PLCB1: variants seen among roughly 807,000 people sequenced by gnomAD.
PLCB1 encodes the protein 1-phosphatidylinositol 4,5-bisphosphate phosphodiesterase beta-1.
PLCB1 carries 46 observed loss-of-function variants against 161.8 expected under a neutral mutation model. That is an observed-to-expected ratio of 0.28 (90% CI 0.22 to 0.36). The LOEUF is 0.36. Among genes scored for constraint, PLCB1 ranks in the 10% least tolerant of loss-of-function variants. PLCB1 has a pLI of 1.00. For synonymous variants in PLCB1, 517 were observed against 503.7 expected (o/e 1.03, Z -0.35); for missense variants, 1,016 against 1,472.5 (o/e 0.69, Z 5.07).
intron 2 of PLCB1, among the ~76,000 whole-genome samples, chr20:8,228,101 G>A (rs978595712): frequency 6.6e-5 from 10 of 152,046 alleles, no homozygotes; most frequent in African/African-American, 1.9e-4. Flanking sequence ...GGAGGTTGTA[G>A]TGAGCTGAGA....
intron 3 of PLCB1, among the ~76,000 whole-genome samples, chr20:8,386,214 T>C (rs1987421635): frequency 6.6e-6 from 1 of 152,210 alleles, no homozygotes; most frequent in Non-Finnish European, 1.5e-5. Context: ...GTTTTAAATT[T>C]ACTTAGCCCA....
At chr20:8,549,069 A>G (rs948922048) in intron 3 of PLCB1, among the ~76,000 whole-genome samples, 2 of 152,200 alleles carry the variant, frequency 1.3e-5, no homozygotes, top group African/African-American at 2.4e-5. Context: ...AACCTAGATG[A>G]TGGGTTGATA....
At chr20:8,625,023 T>G (rs997807408) in intron 3 of PLCB1, among the ~76,000 whole-genome samples, 5 of 152,156 alleles carry the variant, frequency 3.3e-5, no homozygotes, top group African/African-American at 1.2e-4. Flanking sequence ...AGCTCCTTGG[T>G]AGAATAGGTT....
chr20:8,371,722 T>A (rs1231683121), intron 3 of PLCB1: 4 of 342,896 alleles, frequency 1.2e-5, no homozygotes, highest in Admixed American at 4.5e-5. Flanking sequence ...AGTTACTGGG[T>A]AATTCTAAAT....
intron 9 of PLCB1, among the ~76,000 whole-genome samples, chr20:8,682,525 A>G (rs976468359): frequency 1.3e-5 from 2 of 152,166 alleles, no homozygotes; most frequent in African/African-American, 4.8e-5. Context: ...AGTAAAAGCA[A>G]TTTAGCTATT....
chr20:8,868,201 C>G (rs1987492190), intron 31 of PLCB1, among the ~76,000 whole-genome samples: 1 of 152,160 alleles, frequency 6.6e-6, no homozygotes, highest in South Asian at 2.1e-4. Flanking sequence ...ATCAAATAAA[C>G]ATTTCCTAAA....
In PLCB1 at chr20:8,858,917, A is replaced by C. The variant is rs1211782485; in HGVS notation, c.3424-22705A>C. On this transcript the variant is annotated intron_variant, in intron 31 of 31. Coordinates refer to ENST00000338037, the MANE Select transcript of PLCB1 (RefSeq NM_015192.4). Reference sequence around the variant, plus strand: ...ACTCTGGCAATTTGAGTGTGCAAAAAAAAAAAAAAAAAAAATTAGAGTAGT... The same window carrying C: ...ACTCTGGCAATTTGAGTGTGCAAAACAAAAAAAAAAAAAAATTAGAGTAGT... Among the ~76,000 whole-genome samples the C allele has an allele frequency of 2.0e-5, 3 of 150,864 alleles. No homozygotes were observed. In the East Asian group the frequency reaches 5.8e-4, roughly 29 times the overall value.
At chr20:8,622,794 A>T (rs760879314) in intron 3 of PLCB1, among the ~76,000 whole-genome samples, 14 of 152,170 alleles carry the variant, frequency 9.2e-5, no homozygotes, top group Non-Finnish European at 1.5e-4. Context: ...GGGCATCCAG[A>T]CAAAGATCCT....
intron 3 of PLCB1, among the ~76,000 whole-genome samples, chr20:8,386,638 C>T (rs547637443): frequency 1.3e-5 from 2 of 152,308 alleles, no homozygotes; most frequent in East Asian, 1.9e-4. Flanking sequence ...TGCCTTAATG[C>T]CTAACAAGAG....
At chr20:8,273,340 A>T (rs1195441897) in intron 2 of PLCB1, among the ~76,000 whole-genome samples, 2 of 152,182 alleles carry the variant, frequency 1.3e-5, no homozygotes, top group East Asian at 3.8e-4. Context: ...TGATGGACTT[A>T]AGTCTAAAGG....
rs576218039 is a variant in PLCB1, at chr20:8,227,522, C to A, written c.177+77151C>A. 5.9e-5 allele frequency among the ~76,000 whole-genome samples: 9 copies of A among 152,288 alleles called. No individual in the cohort carries two copies. The South Asian group carries it at 1.9e-3, about 32-fold the overall frequency. ...CCCTGAATTAAAAACTGATTACAGGCAGCTGCTCGATGCCTTGCCACTTCC... is the reference window on the plus strand; with the variant it reads ...CCCTGAATTAAAAACTGATTACAGGAAGCTGCTCGATGCCTTGCCACTTCC... On this transcript the variant is annotated intron_variant, in intron 2 of 31. Transcript: ENST00000338037.
At chr20:8,543,265 T>TA (rs1200488238) in intron 3 of PLCB1, among the ~76,000 whole-genome samples, 1 of 151,952 alleles carries the variant, frequency 6.6e-6, no homozygotes, top group African/African-American at 2.4e-5. Context: ...GTAAGAGAGA[T>TA]ATGTGGAGGT....
At chr20:8,404,360 T>G (rs1600378356) in intron 3 of PLCB1, among the ~76,000 whole-genome samples, 1 of 152,170 alleles carries the variant, frequency 6.6e-6, no homozygotes, top group South Asian at 2.1e-4. Flanking sequence ...TTCTGAAAAT[T>G]TTTACACTAA....
chr20:8,816,576 T>C (rs1343078533), intron 31 of PLCB1, among the ~76,000 whole-genome samples: 2 of 152,234 alleles, frequency 1.3e-5, no homozygotes, highest in African/African-American at 2.4e-5. Flanking sequence ...CTGTACCATC[T>C]ATATATTTTT....
intron 9 of PLCB1, among the ~76,000 whole-genome samples, chr20:8,673,099 C>T (rs150254404): frequency 0.017 from 2,547 of 150,318 alleles, 54 homozygotes; most frequent in African/African-American, 0.051. Context: ...GCGACAGAGC[C>T]AGAGTCCATC....
intron 3 of PLCB1, among the ~76,000 whole-genome samples, chr20:8,415,637 G>C (rs893940279): frequency 4.6e-5 from 7 of 152,198 alleles, no homozygotes; most frequent in Admixed American, 3.9e-4. Flanking sequence ...GGCCATCTGA[G>C]AGGCTGGGCA....
chr20:8,774,407 T>C (rs897035603), intron 26 of PLCB1, 132 bp from the exon 27 acceptor site: 13 of 806,736 alleles, frequency 1.6e-5, no homozygotes, highest in Non-Finnish European at 2.5e-5. Flanking sequence ...TCTCACCCTC[T>C]ACCCCAAGTG....
rs1158864787 is a variant in PLCB1 at position 8,541,595 on chromosome 20, A to AGAAAGAAAGAAAGAAAGAAAGAAG, written c.247-86686_247-86685insAAAGAAAGAAGGAAAGAAAGAAAG. ...AAGAAAGAAAGAAAGAAAGAAAGAA[A>AGAAAGAAAGAAAGAAAGAAAGAAG]GAAAGAAAGAAAGGAAGGAAGATAG... On this transcript the variant is annotated intron_variant, in intron 3 of 31. Coordinates refer to ENST00000338037, the MANE Select transcript of PLCB1 (RefSeq NM_015192.4). Among the ~76,000 whole-genome samples, 79 of 151,814 alleles carry AGAAAGAAAGAAAGAAAGAAAGAAG rather than the reference A, an allele frequency of 5.2e-4. 1 individual carries two copies. The highest frequency in any genetic ancestry group is 1.9e-3 in the African/African-American group (79 of 41,330).
At chr20:8,355,319 C>T (rs1252531538) in intron 2 of PLCB1, among the ~76,000 whole-genome samples, 1 of 151,956 alleles carries the variant, frequency 6.6e-6, no homozygotes, top group Non-Finnish European at 1.5e-5. Context: ...GTTTCAATAG[C>T]TTAACACATT....
Sources: allele counts gnomAD v4.1 joint callset (sites outside exome capture counted in the v4.1 genomes callset), GRCh38; gene constraint gnomAD v4.1.1; transcripts MANE v1.5; gene names NCBI Gene and HGNC (gene_info 2026-07-23, HGNC 2026-07-21).